Variants in KCNJ16 observed in about 807,000 individuals in gnomAD.
The protein encoded by KCNJ16 is inward rectifier potassium channel 16.
In KCNJ16, 15 loss-of-function variants were observed where a neutral mutation model predicts 18.5. That is an observed-to-expected ratio of 0.81 (90% confidence interval 0.54 to 1.25). The LOEUF is 1.25. Among genes scored for constraint, KCNJ16 ranks in the 50% most tolerant of loss-of-function variants. The pLI, the probability that KCNJ16 is intolerant of heterozygous loss-of-function variation, is 0.00. For synonymous variants in KCNJ16, 174 were observed against 186.5 expected, an observed-to-expected ratio of 0.93 and a Z score of 0.55; for missense variants, 523 against 525.7, an observed-to-expected ratio of 0.99 and a Z score of 0.05.
In KCNJ16 at chr17:70,095,881, T is replaced by C. The variant is rs1208646972; in HGVS notation, c.-299-4777T>C. On this transcript the variant is annotated intron_variant, in intron 1 of 3. Coordinates refer to ENST00000392671, the MANE Select transcript of KCNJ16 (RefSeq NM_170741.4). ...TATATTACTTAATCCTTTTTTTTTT[T>C]TTTTTTTTTTTTTTTTTTTGAGATG... 5.3e-3 allele frequency among the ~76,000 whole-genome samples: 665 copies of C among 125,470 alleles called. 16 individuals are homozygous for C. The highest frequency in any genetic ancestry group is 0.018 in the African/African-American group (572 of 32,318). The allele number at this position is 125,470 out of a possible 152,430, so 82.3% of individuals were successfully genotyped here.
intron 2 of KCNJ16, among the ~76,000 whole-genome samples, chr17:70,112,442 G>A (rs534858509): frequency 1.3e-5 from 2 of 150,360 alleles, no homozygotes; most frequent in East Asian, 3.9e-4. Flanking sequence ...AAATGCCAAT[G>A]ATGTTTATAA....
chr17:70,106,607 A>G (rs749892331), intron 2 of KCNJ16, among the ~76,000 whole-genome samples: 1 of 152,216 alleles, frequency 6.6e-6, no homozygotes, highest in African/African-American at 2.4e-5. Context: ...GGAAGATGGG[A>G]TACAGTTGCA....
chr17:70,094,841 C>T (rs957260310), intron 1 of KCNJ16, among the ~76,000 whole-genome samples: 3 of 152,118 alleles, frequency 2.0e-5, no homozygotes, highest in African/African-American at 4.8e-5. Context: ...TCCTGAGAAA[C>T]GGCAGGAACT....
chr17:70,131,375 A>C, intron 3 of KCNJ16: 1 of 1,037,444 alleles, frequency 9.6e-7, no homozygotes, highest in Non-Finnish European at 1.2e-6. Flanking sequence ...GTTAGGGGGA[A>C]ATGAGTTTAA....
At chr17:70,124,573 G>C (rs1467257805) in intron 2 of KCNJ16, among the ~76,000 whole-genome samples, 2 of 152,160 alleles carry the variant, frequency 1.3e-5, no homozygotes. Flanking sequence ...ATCAGATCTC[G>C]TGTTATCTGA....
At chr17:70,099,268 G>T (rs1401108353) in intron 1 of KCNJ16, among the ~76,000 whole-genome samples, 1 of 152,148 alleles carries the variant, frequency 6.6e-6, no homozygotes, top group African/African-American at 2.4e-5. Context: ...ATATAATGGA[G>T]ATTTTTCACT....
At position 70,088,733 on chromosome 17, in the gene KCNJ16, T is replaced by C. The variant is rs74460039; in HGVS notation, c.-299-11925T>C. On this transcript the variant is annotated intron_variant, in intron 1 of 3. Transcript: ENST00000392671. ...TGAAAAGAAATCAAATAAGGCCAAGTGATTTTTTTTTTTCTAACTAGGAAA... is the reference window on the plus strand; with the variant it reads ...TGAAAAGAAATCAAATAAGGCCAAGCGATTTTTTTTTTTCTAACTAGGAAA... 6.2e-3 allele frequency among the ~76,000 whole-genome samples: 934 copies of C among 150,692 alleles called. 7 individuals are homozygous for C. Among genetic ancestry groups the C allele is most frequent in the African/African-American group, 0.021 (847 of 40,424 alleles).
chr17:70,076,949 T>C (rs540821051), intron 1 of KCNJ16, among the ~76,000 whole-genome samples: 1 of 152,340 alleles, frequency 6.6e-6, no homozygotes, highest in East Asian at 1.9e-4. Context: ...TCTTCAAAGC[T>C]ACCTCCCACC....
chr17:70,088,747 C>A (rs1174862163), intron 1 of KCNJ16, among the ~76,000 whole-genome samples: 1 of 148,034 alleles, frequency 6.8e-6, no homozygotes, highest in Non-Finnish European at 1.5e-5. Flanking sequence ...TTTTTTTTTT[C>A]TAACTAGGAA....
At chr17:70,081,974 GGTT>G (rs2071575712) in intron 1 of KCNJ16, among the ~76,000 whole-genome samples, 1 of 152,132 alleles carries the variant, frequency 6.6e-6, no homozygotes, top group African/African-American at 2.4e-5. Flanking sequence ...GTAAACAGAA[GGTT>G]GTTGTCTTTT....
chr17:70,090,056 A>G (rs1405887683), intron 1 of KCNJ16, among the ~76,000 whole-genome samples: 2 of 152,198 alleles, frequency 1.3e-5, no homozygotes, highest in Admixed American at 6.5e-5. Context: ...TAATTTTTTT[A>G]GCCTCCACCC....
intron 2 of KCNJ16, among the ~76,000 whole-genome samples, chr17:70,120,665 G>A (rs2073598414): frequency 6.6e-6 from 1 of 152,070 alleles, no homozygotes; most frequent in Admixed American, 6.5e-5. Flanking sequence ...AAAGAGAGAT[G>A]CCACACACTT....
intron 2 of KCNJ16, among the ~76,000 whole-genome samples, chr17:70,112,121 C>T (rs185002866): frequency 6.6e-5 from 10 of 152,268 alleles, no homozygotes; most frequent in Admixed American, 5.2e-4. Flanking sequence ...CACTCAGGTG[C>T]CCCTGGGACC....
chr17:70,101,261 C>T (rs974512127), intron 2 of KCNJ16: 6 of 152,112 alleles, frequency 3.9e-5, no homozygotes, highest in African/African-American at 1.4e-4. Flanking sequence ...CACAGGTCAT[C>T]TTCCCACAAC....
intron 2 of KCNJ16, among the ~76,000 whole-genome samples, chr17:70,124,246 G>A (rs745315347): frequency 1.3e-5 from 2 of 152,170 alleles, no homozygotes; most frequent in Non-Finnish European, 2.9e-5. Context: ...CCTTGCTCCA[G>A]GCCCTTCTCC....
At chr17:70,101,461 G>A (rs2072613611) in intron 2 of KCNJ16, 1 of 152,130 alleles carries the variant, frequency 6.6e-6, no homozygotes, top group African/African-American at 2.4e-5. Flanking sequence ...CAATCTGCTA[G>A]GTTAAGTAGA....
At chr17:70,112,128 G>C (rs1380825838) in intron 2 of KCNJ16, among the ~76,000 whole-genome samples, 1 of 152,184 alleles carries the variant, frequency 6.6e-6, no homozygotes, top group African/African-American at 2.4e-5. Context: ...GTGCCCCTGG[G>C]ACCAAGAACC....
intron 2 of KCNJ16, among the ~76,000 whole-genome samples, chr17:70,110,397 G>C (rs2073135076): frequency 6.6e-6 from 1 of 152,014 alleles, no homozygotes; most frequent in Non-Finnish European, 1.5e-5. Context: ...TGATTTCACA[G>C]ACAACCTAGA....
At chr17:70,116,629 TTTAA>T (rs1339977376) in intron 2 of KCNJ16, among the ~76,000 whole-genome samples, 3 of 152,128 alleles carry the variant, frequency 2.0e-5, no homozygotes, top group Non-Finnish European at 4.4e-5. Context: ...CCTTAACAAA[TTTAA>T]TTAAACACTT....
Sources: allele counts gnomAD v4.1 joint callset (sites outside exome capture counted in the v4.1 genomes callset), GRCh38; gene constraint gnomAD v4.1.1; transcripts MANE v1.5; gene names NCBI Gene and HGNC (gene_info 2026-07-23, HGNC 2026-07-21).